Variants in C8orf89 observed in about 807,000 individuals in gnomAD.
The protein encoded by C8orf89 is putative uncharacterized protein C8orf89.
In C8orf89, 14 loss-of-function variants were observed where a neutral mutation model predicts 15.8. The ratio of observed to expected loss-of-function variants is 0.89; its 90% CI spans 0.59 to 1.39. The LOEUF is 1.39. C8orf89 is among the 40% of genes most tolerant of loss of function. The probability of loss-of-function intolerance (pLI) is 0.00; values close to 1 mark genes in which losing one functional copy is unlikely to be tolerated. For synonymous variants in C8orf89, 55 were observed against 62.2 expected, an observed-to-expected ratio of 0.88 and a Z score of 0.54; for missense variants, 181 against 184.5, an observed-to-expected ratio of 0.98 and a Z score of 0.11.
At chr8:73,264,744 A>G in the C8orf89 span, among the ~76,000 whole-genome samples, 1 of 151,828 alleles carries the variant, frequency 6.6e-6, no homozygotes, top group Admixed American at 6.6e-5. Flanking sequence ...ACCTGCCTCA[A>G]CCTCCCAAAG....
chr8:73,252,977 T>C (rs1392202040), intron 2 of C8orf89, among the ~76,000 whole-genome samples: 2 of 151,946 alleles, frequency 1.3e-5, no homozygotes, highest in African/African-American at 4.8e-5. Context: ...CCGTCTCTAC[T>C]AAAAAAATAC....
At chr8:73,272,449 T>A in the C8orf89 span, among the ~76,000 whole-genome samples, 2 of 151,960 alleles carry the variant, frequency 1.3e-5, no homozygotes, top group Admixed American at 6.5e-5. Context: ...ATTCTTTTTT[T>A]TAATATATAT....
upstream of C8orf89, among the ~76,000 whole-genome samples, chr8:73,263,138 T>C (rs1265322327): frequency 6.6e-6 from 1 of 152,224 alleles, no homozygotes; most frequent in African/African-American, 2.4e-5. Context: ...AGTGTTGAGA[T>C]AAACTTGTTT....
At chr8:73,264,086 C>T (rs910964318), upstream of C8orf89, among the ~76,000 whole-genome samples, 6 of 152,134 alleles carry the variant, frequency 3.9e-5, no homozygotes, top group African/African-American at 9.7e-5. Flanking sequence ...TACATCACAG[C>T]CTTCTTGTGC....
At chr8:73,279,897 C>T in the C8orf89 span, among the ~76,000 whole-genome samples, 1 of 152,214 alleles carries the variant, frequency 6.6e-6, no homozygotes, top group Non-Finnish European at 1.5e-5. Context: ...CAAGAGCCAG[C>T]ATCAACCACC....
chr8:73,277,657 C>G, the C8orf89 span: 1 of 757,498 alleles, frequency 1.3e-6, no homozygotes, highest in Admixed American at 1.7e-5. Context: ...GAAGGTTTCT[C>G]TTTTAAAATA....
the C8orf89 span, among the ~76,000 whole-genome samples, chr8:73,276,767 C>A: frequency 1.3e-5 from 2 of 149,794 alleles, no homozygotes; most frequent in African/African-American, 4.9e-5. Context: ...ACAACAGCAC[C>A]CAAATACCAT....
intron 1 of C8orf89, 22 bp downstream of exon 1, chr8:73,259,309 GA>G: frequency 7.1e-7 from 1 of 1,415,958 alleles, no homozygotes; most frequent in Non-Finnish European, 9.4e-7. Context: ...TTTTCTTAAG[GA>G]AAATAATAAC....
chr8:73,279,823 G>A, the C8orf89 span, among the ~76,000 whole-genome samples: 1 of 152,196 alleles, frequency 6.6e-6, no homozygotes, highest in Non-Finnish European at 1.5e-5. Context: ...TTGTGAGGAA[G>A]CCAGGTGACA....
At chr8:73,273,797 G>A in the C8orf89 span, among the ~76,000 whole-genome samples, 2 of 151,546 alleles carry the variant, frequency 1.3e-5, no homozygotes, top group Non-Finnish European at 2.9e-5. Flanking sequence ...AATTTAAATG[G>A]GAGATTGATA....
At chr8:73,258,476 A>T (rs1430187110) in intron 1 of C8orf89, among the ~76,000 whole-genome samples, 2 of 151,976 alleles carry the variant, frequency 1.3e-5, no homozygotes, top group Non-Finnish European at 2.9e-5. Context: ...ATTCAGAATA[A>T]ACAAGAAATA....
the C8orf89 span, among the ~76,000 whole-genome samples, chr8:73,278,758 A>G: frequency 2.4e-4 from 37 of 152,286 alleles, no homozygotes; most frequent in South Asian, 1.0e-3. Context: ...AATCCATGCT[A>G]TTAAAAAAAT....
At chr8:73,275,231 C>CTTTTTTTTTTTTTTTT in the C8orf89 span, among the ~76,000 whole-genome samples, 4 of 84,744 alleles carry the variant, frequency 4.7e-5, no homozygotes, top group African/African-American at 9.9e-5. Flanking sequence ...TGTAATAGTT[C>CTTTTTTTTTTTTTTTT]TTTTTTTTTT....
chr8:73,265,330 T>C, the C8orf89 span, among the ~76,000 whole-genome samples: 1 of 152,174 alleles, frequency 6.6e-6, no homozygotes, highest in Non-Finnish European at 1.5e-5. Context: ...GCTTTATAAG[T>C]CATAACAGAG....
At chr8:73,259,247 G>T in intron 1 of C8orf89, 85 bp downstream of exon 1, 1 of 832,948 alleles carries the variant, frequency 1.2e-6, no homozygotes, top group Non-Finnish European at 1.7e-6. Flanking sequence ...CACAGAAAAT[G>T]TCCCTTGCCT....
intron 1 of C8orf89, among the ~76,000 whole-genome samples, chr8:73,257,401 T>C (rs1586166972): frequency 6.6e-6 from 1 of 152,298 alleles, no homozygotes; most frequent in Middle Eastern, 3.4e-3. Context: ...CTGCTTTCAT[T>C]ATTTTATACA....
intron 3 of C8orf89, 100 bp from the exon 4 acceptor site, chr8:73,241,705 G>T: frequency 9.8e-7 from 1 of 1,021,696 alleles, no homozygotes; most frequent in Non-Finnish European, 1.3e-6. Flanking sequence ...TTCCACAAAT[G>T]ACTATTACAC....
At chr8:73,243,885 CT>C (rs1364399847) in intron 3 of C8orf89, among the ~76,000 whole-genome samples, 1 of 151,962 alleles carries the variant, frequency 6.6e-6, no homozygotes, top group Non-Finnish European at 1.5e-5. Flanking sequence ...TCTAAAAAAC[CT>C]TTAATGCTTG....
At chr8:73,266,909 A>G in the C8orf89 span, among the ~76,000 whole-genome samples, 20 of 152,154 alleles carry the variant, frequency 1.3e-4, no homozygotes, top group Non-Finnish European at 2.8e-4. Flanking sequence ...AAATATACAA[A>G]ATGAACCTGT....
Sources: allele counts gnomAD v4.1 joint callset (sites outside exome capture counted in the v4.1 genomes callset), GRCh38; gene constraint gnomAD v4.1.1; transcripts MANE v1.5; gene names NCBI Gene and HGNC (gene_info 2026-07-23, HGNC 2026-07-21).